Variants in NAV3 observed in about 807,000 individuals in gnomAD.
The protein encoded by NAV3 is pore membrane and/or filament interacting like protein 1.
Under a neutral mutation model 244.7 loss-of-function variants are expected in NAV3, and 87 were observed. The ratio of observed to expected loss-of-function variants is 0.36; its 90% CI spans 0.30 to 0.42. The LOEUF is 0.42. Among genes scored for constraint, NAV3 ranks in the 20% least tolerant of loss-of-function variants. NAV3 has a pLI of 1.00. For synonymous variants in NAV3, 1,126 were observed against 1,042.2 expected, an observed-to-expected ratio of 1.08 and a Z score of -1.55; for missense variants, 2,663 against 2,893.3, an observed-to-expected ratio of 0.92 and a Z score of 1.83.
chr12:77,672,319 A>G (rs927530164), intron 2 of NAV3, among the ~76,000 whole-genome samples: 3 of 152,160 alleles, frequency 2.0e-5, no homozygotes, highest in African/African-American at 7.2e-5. Flanking sequence ...TAAAACCATT[A>G]CGGAAAATAG....
At chr12:77,652,770 C>T (rs1273375528) in intron 2 of NAV3, among the ~76,000 whole-genome samples, 1 of 152,090 alleles carries the variant, frequency 6.6e-6, no homozygotes, top group East Asian at 1.9e-4. Flanking sequence ...ATAGATTGTT[C>T]AAGATAACTC....
At chr12:78,167,688 T>C (rs1168167712) in intron 23 of NAV3, among the ~76,000 whole-genome samples, 2 of 151,676 alleles carry the variant, frequency 1.3e-5, no homozygotes, top group African/African-American at 2.4e-5. Context: ...CCCGATTCTT[T>C]GGCTTTCTGC....
intron 1 of NAV3, among the ~76,000 whole-genome samples, chr12:77,885,229 TTGAG>T (rs777649315): frequency 1.3e-5 from 2 of 152,124 alleles, no homozygotes; most frequent in African/African-American, 2.4e-5. Flanking sequence ...TGAAATGTGA[TTGAG>T]TGTCTCTATT....
intron 1 of NAV3, among the ~76,000 whole-genome samples, chr12:77,879,811 T>C (rs1010504075): frequency 2.6e-5 from 4 of 152,022 alleles, no homozygotes; most frequent in African/African-American, 9.7e-5. Flanking sequence ...TAGCTATAAC[T>C]TTTCAAAAAG....
intron 2 of NAV3, among the ~76,000 whole-genome samples, chr12:77,611,582 G>A (rs1420185293): frequency 6.6e-6 from 1 of 151,660 alleles, no homozygotes; most frequent in East Asian, 1.9e-4. Context: ...TCAATCACCA[G>A]TTCTACTCCC....
At chr12:77,718,579 C>T (rs1444325411) in intron 2 of NAV3, among the ~76,000 whole-genome samples, 1 of 152,042 alleles carries the variant, frequency 6.6e-6, no homozygotes, top group Non-Finnish European at 1.5e-5. Flanking sequence ...GTTCCATAAA[C>T]ATTATTTCTA....
chr12:78,017,808 G>A (rs571629519), intron 8 of NAV3, among the ~76,000 whole-genome samples: 1 of 152,154 alleles, frequency 6.6e-6, no homozygotes, highest in Non-Finnish European at 1.5e-5. Flanking sequence ...TAGAGGGTAT[G>A]TTGTGCGTCT....
chr12:78,047,235 C>T (rs1316101327), intron 9 of NAV3, among the ~76,000 whole-genome samples: 1 of 152,140 alleles, frequency 6.6e-6, no homozygotes, highest in Non-Finnish European at 1.5e-5. Context: ...CGCTTGTAAT[C>T]CCAGCACTTT....
At chr12:78,142,810 G>A (rs375624539) in intron 20 of NAV3, among the ~76,000 whole-genome samples, 2 of 150,726 alleles carry the variant, frequency 1.3e-5, no homozygotes, top group Non-Finnish European at 3.0e-5. Flanking sequence ...GAATGGATTA[G>A]GTGATCGAGC....
chr12:77,800,031 A>C (rs967544933), intron 2 of NAV3, among the ~76,000 whole-genome samples: 4 of 152,190 alleles, frequency 2.6e-5, no homozygotes, highest in Non-Finnish European at 5.9e-5. Context: ...CATAGCATCT[A>C]CTTGCTTTCA....
At chr12:78,180,492 C>A (rs1453960895) in intron 29 of NAV3, among the ~76,000 whole-genome samples, 1 of 152,004 alleles carries the variant, frequency 6.6e-6, no homozygotes, top group Non-Finnish European at 1.5e-5. Flanking sequence ...AGATTTATAA[C>A]AATATTACAA....
chr12:77,853,493 A>G (rs558002049), intron 1 of NAV3, among the ~76,000 whole-genome samples: 1 of 152,284 alleles, frequency 6.6e-6, no homozygotes, highest in Admixed American at 6.5e-5. Context: ...GTGTAATCCA[A>G]TGTATCAATT....
At chr12:78,069,525 T>C (rs1207606969) in intron 12 of NAV3, among the ~76,000 whole-genome samples, 1 of 151,966 alleles carries the variant, frequency 6.6e-6, no homozygotes, top group Admixed American at 6.6e-5. Context: ...TGTATTTATA[T>C]AATAAATAAT....
At chr12:77,643,966 T>C (rs1050090624) in intron 2 of NAV3, among the ~76,000 whole-genome samples, 1 of 152,154 alleles carries the variant, frequency 6.6e-6, no homozygotes, top group African/African-American at 2.4e-5. Flanking sequence ...AGCTTACTTA[T>C]TACTTTTATG....
At chr12:78,067,704 A>G (rs1486449757) in intron 12 of NAV3, among the ~76,000 whole-genome samples, 1 of 152,106 alleles carries the variant, frequency 6.6e-6, no homozygotes, top group Non-Finnish European at 1.5e-5. Flanking sequence ...ATTGCCATTG[A>G]AATTCAAAAG....
chr12:77,626,842 T>C (rs1871650230), intron 2 of NAV3, among the ~76,000 whole-genome samples: 1 of 152,116 alleles, frequency 6.6e-6, no homozygotes, highest in African/African-American at 2.4e-5. Context: ...AAAAACATGA[T>C]ATCTAATATA....
intron 1 of NAV3, among the ~76,000 whole-genome samples, chr12:77,874,385 A>AT (rs200438522): frequency 2.6e-5 from 4 of 151,522 alleles, no homozygotes; most frequent in Admixed American, 6.6e-5. Context: ...TCCTCAGCTA[A>AT]TTTTTTTTAA....
chr12:78,114,114 A>T (rs1955245088), intron 12 of NAV3, among the ~76,000 whole-genome samples: 1 of 152,184 alleles, frequency 6.6e-6, no homozygotes, highest in East Asian at 1.9e-4. Context: ...GTTCCCAACA[A>T]GTTCCTCATC....
At chr12:78,134,941 C>G (rs1451518648) in intron 18 of NAV3, among the ~76,000 whole-genome samples, 1 of 152,096 alleles carries the variant, frequency 6.6e-6, no homozygotes, top group Admixed American at 6.5e-5. Context: ...TAATACATTG[C>G]CATATCTGTT....
Sources: gnomAD v4.1 joint callset for allele counts (sites outside exome capture counted in the v4.1 genomes callset) on GRCh38, gnomAD v4.1.1 for gene constraint, MANE v1.5 for transcripts, NCBI Gene and HGNC (gene_info 2026-07-23, HGNC 2026-07-21) for gene names.